PLAC9: variants seen among roughly 807,000 people sequenced by gnomAD.
The protein encoded by PLAC9 is placenta-specific protein 9.
A neutral mutation model predicts 11.5 loss-of-function variants in PLAC9; 12 were observed. That is an observed-to-expected ratio of 1.05 (90% CI 0.67 to 1.69). PLAC9 has a LOEUF of 1.69. PLAC9 is among the 40% of genes most tolerant of loss of function. The pLI is 0.00. For synonymous variants in PLAC9, 62 were observed against 58.1 expected, an observed-to-expected ratio of 1.07 and a Z score of -0.31; for missense variants, 132 against 130.5, an observed-to-expected ratio of 1.01 and a Z score of -0.06.
chr10:80,132,149 G>A (rs551156590), upstream of PLAC9, among the ~76,000 whole-genome samples: 1 of 150,868 alleles, frequency 6.6e-6, no homozygotes, highest in African/African-American at 2.5e-5. Flanking sequence ...CGAGAGTTAC[G>A]ATTTTACCTT....
At chr10:80,144,488 C>A in intron 3 of PLAC9, 145 bp downstream of exon 3, 1 of 1,220,514 alleles carries the variant, frequency 8.2e-7, no homozygotes, top group Non-Finnish European at 1.1e-6. Context: ...GGAAGCGGGA[C>A]GGCATCATCC....
chr10:80,135,244 G>C (rs1426322802), intron 1 of PLAC9, among the ~76,000 whole-genome samples: 6 of 150,650 alleles, frequency 4.0e-5, no homozygotes, highest in South Asian at 4.2e-4. Context: ...GGATGGTCTC[G>C]ATCTCCTGAC....
chr10:80,135,006 G>GTTTATTTATTTA (rs1437009111), intron 1 of PLAC9, among the ~76,000 whole-genome samples: 1 of 98,886 alleles, frequency 1.0e-5, no homozygotes, highest in African/African-American at 4.1e-5. Flanking sequence ...ACCTTGGTTT[G>GTTTATTTATTTA]TTTGTTTGTT....
upstream of PLAC9, chr10:80,132,537 C>G: frequency 2.3e-6 from 1 of 439,810 alleles, no homozygotes; most frequent in Non-Finnish European, 4.0e-6. Flanking sequence ...TCGGGAGGCG[C>G]CCAGGTGGCA....
At chr10:80,132,954 CAGGG>C in intron 1 of PLAC9, 128 bp downstream of exon 1, 2 of 730,254 alleles carry the variant, frequency 2.7e-6, no homozygotes, top group Non-Finnish European at 2.0e-6. Flanking sequence ...GAGGCAGATG[CAGGG>C]AGGGAGGGAT....
At position 80,145,040 on chromosome 10, in the gene PLAC9, T is replaced by A. The variant is rs1263099621; in HGVS notation, c.*130T>A. Reference sequence around the variant, plus strand: ...AAAAGCTATTCTGGTCTCCTCTGTGTCTGCTGACAGAGTAACCCGTTTAAC... The same window carrying A: ...AAAAGCTATTCTGGTCTCCTCTGTGACTGCTGACAGAGTAACCCGTTTAAC... On this transcript the variant is annotated 3_prime_UTR_variant, in exon 4 of 4. Transcript: ENST00000372263. 4 of 1,213,504 alleles carry A rather than the reference T, an allele frequency of 3.3e-6. No homozygotes were observed. In the Admixed American group the frequency reaches 5.9e-5, roughly 18 times the overall value. 75.2% of individuals were successfully genotyped at this position (1,213,504 alleles called of 1,614,324 possible). A position where few individuals can be genotyped will look rare whatever the true frequency, so the allele number is the denominator to read the frequency against.
chr10:80,139,726 C>T (rs541944583), intron 1 of PLAC9, among the ~76,000 whole-genome samples: 1 of 152,086 alleles, frequency 6.6e-6, no homozygotes, highest in Admixed American at 6.5e-5. Context: ...TAAATGTTCT[C>T]ATCATGGCCA....
chr10:80,144,852 C>T (rs778280121), intron 3 of PLAC9, 48 bp from the exon 4 acceptor site: 1 of 1,543,274 alleles, frequency 6.5e-7, no homozygotes, highest in South Asian at 1.2e-5. Flanking sequence ...GGGGCAGGTA[C>T]TCTGCGGCAC....
chr10:80,132,509 C>G, upstream of PLAC9: 1 of 425,340 alleles, frequency 2.4e-6, no homozygotes, highest in Admixed American at 4.6e-5. Context: ...TGCGGGGACT[C>G]GGGGGGCGGC....
At chr10:80,133,753 G>A (rs1209395034) in intron 1 of PLAC9, among the ~76,000 whole-genome samples, 2 of 152,040 alleles carry the variant, frequency 1.3e-5, no homozygotes, top group Non-Finnish European at 2.9e-5. Flanking sequence ...GACCAGCCTC[G>A]CTAACATGGT....
intron 1 of PLAC9, among the ~76,000 whole-genome samples, chr10:80,134,880 T>C (rs1844956074): frequency 3.3e-5 from 5 of 152,198 alleles, no homozygotes; most frequent in Admixed American, 1.3e-4. Context: ...AAGTTTGTCC[T>C]GTAAAGTTTT....
At chr10:80,132,632 G>C (rs1204371237), upstream of PLAC9, 2 of 696,414 alleles carry the variant, frequency 2.9e-6, no homozygotes, top group Non-Finnish European at 4.3e-6. Flanking sequence ...GGGTTCTCTC[G>C]AGCCAGAAAG....
In PLAC9 at chr10:80,144,941, T is replaced by C. The variant is rs1349984797; in HGVS notation, c.*31T>C. ...GGAGCTGGAGCCCAGCAGTTGGAGGTGGTGCACCTGCCAGGCAGCGCCCAC... is the reference window on the plus strand; with the variant it reads ...GGAGCTGGAGCCCAGCAGTTGGAGGCGGTGCACCTGCCAGGCAGCGCCCAC... On this transcript the variant is annotated 3_prime_UTR_variant, in exon 4 of 4. Coordinates refer to ENST00000372263, the MANE Select transcript of PLAC9 (RefSeq NM_001012973.3). 6.4e-7 allele frequency: 1 copy of C among 1,567,794 alleles called. No individual in the cohort carries two copies. Among genetic ancestry groups the C allele is most frequent in the Non-Finnish European group, 8.7e-7 (1 of 1,155,296 alleles).
intron 3 of PLAC9, 77 bp from the exon 4 acceptor site, chr10:80,144,822 AG>A: frequency 7.0e-7 from 1 of 1,421,924 alleles, no homozygotes. Flanking sequence ...AGGGAAGGGA[AG>A]GAACTGCTGG....
chr10:80,132,813 G>A lies in PLAC9; in HGVS notation c.51G>A (p.Ala17=). 6.7e-7 allele frequency: 1 copy of A among 1,497,028 alleles called. No individual in the cohort carries two copies. Among genetic ancestry groups the A allele is most frequent in the Non-Finnish European group, 8.8e-7 (1 of 1,130,792 alleles). 92.7% of individuals were successfully genotyped at this position (1,497,028 alleles called of 1,614,324 possible). ...CCGGACTGGCCCTGCTCCGCGCCGC[G>A]GGCTCTTTGGCCGGTGAGTGGGGCG... ...ALTGLALLRA[A]GSLAAAEPFS... Residue 17 remains alanine, a synonymous_variant, in exon 1 of 4, where the codon GCG becomes GCA. Coordinates refer to ENST00000372263, the MANE Select transcript of PLAC9 (RefSeq NM_001012973.3).
In PLAC9 at chr10:80,139,678, A is replaced by G. The variant is rs539827118; in HGVS notation, c.65-2404A>G. Among the ~76,000 whole-genome samples, 293 of 152,250 alleles carry G rather than the reference A, an allele frequency of 1.9e-3. 2 individuals are homozygous for G. Among genetic ancestry groups the G allele is most frequent in the African/African-American group, 6.5e-3 (270 of 41,550 alleles). ...TGGTGCACTGATGGACTGGCTCTCA[A>G]AAAAAAGTGGGGAGGGGGGTCGTTG... is the stretch of plus-strand genomic sequence containing the variant. On this transcript the variant is annotated intron_variant, in intron 1 of 3. Transcript: ENST00000372263.
At chr10:80,138,754 C>G (rs1388751356) in intron 1 of PLAC9, among the ~76,000 whole-genome samples, 1 of 152,106 alleles carries the variant, frequency 6.6e-6, no homozygotes, top group East Asian at 1.9e-4. Flanking sequence ...AGACCTGCCC[C>G]ACTTCTAGAC....
chr10:80,134,603 A>G (rs1844952466), intron 1 of PLAC9, among the ~76,000 whole-genome samples: 1 of 152,126 alleles, frequency 6.6e-6, no homozygotes, highest in Admixed American at 6.6e-5. Context: ...TTCTTTGTGT[A>G]CCTCTAAGAG....
chr10:80,144,107 C>A (rs1845071849), intron 2 of PLAC9, 116 bp from the exon 3 acceptor site: 1 of 1,452,284 alleles, frequency 6.9e-7, no homozygotes, highest in South Asian at 1.2e-5. Context: ...TCACTTAGCG[C>A]CCAGTCCTTT....
Sources: gnomAD v4.1 joint callset for allele counts (sites outside exome capture counted in the v4.1 genomes callset) on GRCh38, gnomAD v4.1.1 for gene constraint, MANE v1.5 for transcripts, NCBI Gene and HGNC (gene_info 2026-07-23, HGNC 2026-07-21) for gene names.